Variants in UBASH3B observed in about 807,000 individuals in gnomAD.
UBASH3B encodes the protein ubiquitin associated and SH3 domain containing B, also known as ubiquitin-associated and SH3 domain-containing protein B.
In UBASH3B, 37 loss-of-function variants were observed where a neutral mutation model predicts 83.4. The observed-to-expected ratio is 0.44, with a 90% CI of 0.34 to 0.58. The LOEUF (loss-of-function observed/expected upper bound fraction) is 0.58. Ranked by LOEUF, UBASH3B falls within the 20% of genes least tolerant of loss-of-function variation. UBASH3B has a pLI of 0.01. For synonymous variants in UBASH3B, 304 were observed against 318.3 expected, an observed-to-expected ratio of 0.96 and a Z score of 0.48; for missense variants, 657 against 827.2, an observed-to-expected ratio of 0.79 and a Z score of 2.52.
chr11:122,738,761 C>A (rs1260046914), intron 1 of UBASH3B, among the ~76,000 whole-genome samples: 2 of 151,940 alleles, frequency 1.3e-5, no homozygotes, highest in African/African-American at 4.8e-5. Context: ...GTGGTGCATG[C>A]CTGTAATCAC....
At chr11:122,680,516 T>C (rs1210380685) in intron 1 of UBASH3B, among the ~76,000 whole-genome samples, 2 of 152,158 alleles carry the variant, frequency 1.3e-5, no homozygotes, top group African/African-American at 4.8e-5. Context: ...CAGGCTGGAG[T>C]GCAATGGCGC....
Position 122,801,210 on chromosome 11 carries a change from G to A in UBASH3B, c.1473G>A (p.Leu491=). ...AAGGTTTACAACAAGAAAATCACTT[G>A]AAGATCCGTGTAGAGCCCGGCTTAT... ...ILKGLQQENH[L]KIRVEPGLFE... is the part of the protein sequence containing the mutation. The change falls in exon 11 of 14, where the codon TTG becomes TTA. Residue 491 remains leucine (L), a synonymous_variant. Transcript: ENST00000284273. 6.2e-7 allele frequency: 1 copy of A among 1,614,166 alleles called. No homozygotes were observed. The highest frequency in any genetic ancestry group is 8.5e-7 in the Non-Finnish European group (1 of 1,180,004).
Position 122,758,432 on chromosome 11 carries a change from T to C in UBASH3B, c.162-17787T>C, listed in dbSNP as rs749114828. Among the ~76,000 whole-genome samples the C allele has an allele frequency of 1.2e-3, 177 of 152,270 alleles. 1 individual carries two copies. Among genetic ancestry groups the C allele is most frequent in the Middle Eastern group, 6.8e-3 (2 of 294 alleles). On this transcript the variant is annotated intron_variant, in intron 1 of 13. Transcript: ENST00000284273. This position sits in a 1 kb window ranked among gnomAD's most constrained non-coding sequence, Gnocchi z 4.2. ...CCTCCAGAGCATCTGCCAGGAACTG[T>C]TTTACCAAAAGATTCCCTCCAGGAG...
chr11:122,800,518 C>A (rs951986871), intron 10 of UBASH3B, among the ~76,000 whole-genome samples: 43 of 151,740 alleles, frequency 2.8e-4, no homozygotes, highest in Non-Finnish European at 1.0e-4. Context: ...TGTACCACTG[C>A]ACTTCAGCCT....
chr11:122,688,721 T>G (rs1863844049), intron 1 of UBASH3B, among the ~76,000 whole-genome samples: 1 of 151,724 alleles, frequency 6.6e-6, no homozygotes, highest in Non-Finnish European at 1.5e-5. Flanking sequence ...CTCGGCTCAC[T>G]GCAAGCTCCG....
chr11:122,803,858 G>A (rs1242536732), intron 11 of UBASH3B, among the ~76,000 whole-genome samples: 1 of 152,004 alleles, frequency 6.6e-6, no homozygotes, highest in Non-Finnish European at 1.5e-5. Flanking sequence ...GTGGGTGGGG[G>A]GAAGGCCACC....
intron 1 of UBASH3B, among the ~76,000 whole-genome samples, chr11:122,680,579 T>G (rs1221530203): frequency 6.6e-6 from 1 of 152,222 alleles, no homozygotes; most frequent in Non-Finnish European, 1.5e-5. Context: ...TTCTCCTGCC[T>G]CAGCCTTCTG....
chr11:122,779,568 C>G lies in UBASH3B; in HGVS notation c.474C>G (p.Phe158Leu). Residue 158 changes from phenylalanine to leucine, a missense_variant, in exon 4 of 14, where the codon TTC (phenylalanine) becomes TTG (leucine). Phe to Leu is a conservative substitution (Grantham distance 22). Around this residue, in one of 3 missense-constraint regions of UBASH3B, gnomAD observed 573 missense variants for 739.0 expected, o/e 0.78. Transcript: ENST00000284273. ...CGGTCAGTCGCTGGAAATGTAAGTT[C>G]TCGGCCCCGCTGCCCCTGGAGCTCT... is the stretch of plus-strand genomic sequence containing the variant. ...QTTVSRWKCK[F>L]SAPLPLELYT... The G allele has an allele frequency of 6.2e-7, 1 of 1,614,192 alleles. No homozygotes were observed. The highest frequency in any genetic ancestry group is 8.5e-7 in the Non-Finnish European group (1 of 1,180,036).
Position 122,779,676 on chromosome 11 carries a change from A to C in UBASH3B, c.582A>C (p.Ala194=). Residue 194 remains alanine, a synonymous_variant, in exon 4 of 14, where the codon GCA becomes GCC. Coordinates refer to ENST00000284273, the MANE Select transcript of UBASH3B (RefSeq NM_032873.5). ...VLKKFAADFA[A]EAASKTEVHV... Reference sequence around the variant, plus strand: ...AGAAGTTTGCTGCTGACTTTGCTGCAGAGGCTGCATCCAAAACCGGTGAGC... The same window carrying C: ...AGAAGTTTGCTGCTGACTTTGCTGCCGAGGCTGCATCCAAAACCGGTGAGC... 6.2e-7 allele frequency: 1 copy of C among 1,614,228 alleles called. No individual in the cohort carries two copies. The highest frequency in any genetic ancestry group is 2.2e-5 in the East Asian group (1 of 44,882).
At chr11:122,732,989 A>T (rs539190922) in intron 1 of UBASH3B, among the ~76,000 whole-genome samples, 1 of 152,208 alleles carries the variant, frequency 6.6e-6, no homozygotes, top group Non-Finnish European at 1.5e-5. Flanking sequence ...CTATACCTAC[A>T]TAATATCAAG....
At chr11:122,674,005 A>C (rs990714972) in intron 1 of UBASH3B, among the ~76,000 whole-genome samples, 10 of 152,188 alleles carry the variant, frequency 6.6e-5, no homozygotes, top group African/African-American at 2.4e-4. Flanking sequence ...TTTTTCCCAC[A>C]CACATTTATT....
chr11:122,782,321 A>C (rs1291876152), intron 4 of UBASH3B: 2 of 151,824 alleles, frequency 1.3e-5, no homozygotes, highest in Admixed American at 6.6e-5. Flanking sequence ...GTCTCTTGGG[A>C]TATCTTAGAA....
At chr11:122,741,298 T>C (rs559774595) in intron 1 of UBASH3B, among the ~76,000 whole-genome samples, 3 of 152,338 alleles carry the variant, frequency 2.0e-5, no homozygotes, top group African/African-American at 4.8e-5. Flanking sequence ...AAATTTTCAA[T>C]TGGATCTTAA....
chr11:122,690,206 A>C (rs1391661923), intron 1 of UBASH3B, among the ~76,000 whole-genome samples: 2 of 22,648 alleles, frequency 8.8e-5, no homozygotes, highest in Non-Finnish European at 2.3e-4. Context: ...ATATATATAT[A>C]TATCCAATTA....
chr11:122,698,145 C>T (rs762347112), intron 1 of UBASH3B, among the ~76,000 whole-genome samples: 2 of 152,174 alleles, frequency 1.3e-5, no homozygotes, highest in Non-Finnish European at 2.9e-5. Flanking sequence ...GGCTCAGCCA[C>T]GTAGTCTCAG....
chr11:122,785,149 A>G (rs1295748612), intron 5 of UBASH3B, among the ~76,000 whole-genome samples: 1 of 152,200 alleles, frequency 6.6e-6, no homozygotes, highest in Non-Finnish European at 1.5e-5. Context: ...ATTCTGCTCA[A>G]TTGGCATGGA....
intron 1 of UBASH3B, among the ~76,000 whole-genome samples, chr11:122,714,186 C>G (rs974917323): frequency 6.6e-6 from 1 of 152,192 alleles, no homozygotes; most frequent in Admixed American, 6.5e-5. Context: ...TTTAGTGGGG[C>G]TCCCCCTTCG....
intron 1 of UBASH3B, among the ~76,000 whole-genome samples, chr11:122,693,702 G>A (rs527937935): frequency 2.3e-4 from 35 of 151,726 alleles, no homozygotes; most frequent in Non-Finnish European, 3.2e-4. Context: ...GTGAAACCCC[G>A]TCTCTACTAA....
chr11:122,794,326 C>CT (rs1861114221), intron 6 of UBASH3B, among the ~76,000 whole-genome samples: 1 of 152,172 alleles, frequency 6.6e-6, no homozygotes, highest in East Asian at 1.9e-4. Flanking sequence ...ATACCTCAGC[C>CT]TCCCTAGCAG....
Sources: allele counts gnomAD v4.1 joint callset (sites outside exome capture counted in the v4.1 genomes callset), GRCh38; gene constraint gnomAD v4.1.1; regional missense constraint gnomAD v4.1.1; non-coding constraint Gnocchi (gnomAD v3.1); transcripts MANE v1.5; gene names NCBI Gene and HGNC (gene_info 2026-07-23, HGNC 2026-07-21).